Variants in DAAM1 observed in about 807,000 individuals in gnomAD.
The protein encoded by DAAM1 is disheveled-associated activator of morphogenesis 1.
A neutral mutation model predicts 130.0 loss-of-function variants in DAAM1; 52 were observed. That is an observed-to-expected ratio of 0.40 (90% CI 0.32 to 0.50). The LOEUF is 0.50. Ranked by LOEUF, DAAM1 falls within the 20% of genes least tolerant of loss-of-function variation. The pLI, the probability that DAAM1 is intolerant of heterozygous loss-of-function variation, is 0.61. For synonymous variants in DAAM1, 452 were observed against 444.5 expected (o/e 1.02, Z -0.21); for missense variants, 1,134 against 1,303.8 (o/e 0.87, Z 2.01).
intron 1 of DAAM1, among the ~76,000 whole-genome samples, chr14:59,195,557 C>T (rs1887863495): frequency 6.6e-6 from 1 of 152,128 alleles, no homozygotes; most frequent in Non-Finnish European, 1.5e-5. Context: ...TTTCTGCTGG[C>T]ACACAATTAA....
intron 2 of DAAM1, among the ~76,000 whole-genome samples, chr14:59,281,974 A>T (rs1226035025): frequency 6.6e-6 from 1 of 152,178 alleles, no homozygotes; most frequent in Non-Finnish European, 1.5e-5. Flanking sequence ...CTCACTCAGA[A>T]TCCACTAATC....
chr14:59,365,524 T>A (rs1379303216), intron 23 of DAAM1, among the ~76,000 whole-genome samples: 1 of 152,070 alleles, frequency 6.6e-6, no homozygotes, highest in African/African-American at 2.4e-5. Flanking sequence ...AAGACAGAAA[T>A]GGTAAAAAGG....
intron 2 of DAAM1, among the ~76,000 whole-genome samples, chr14:59,274,979 C>G (rs1882895216): frequency 6.6e-6 from 1 of 152,184 alleles, no homozygotes; most frequent in Admixed American, 6.5e-5. Context: ...TGTGGGAAGA[C>G]TTATTCTGCT....
At chr14:59,220,237 A>G (rs959582847) in intron 1 of DAAM1, among the ~76,000 whole-genome samples, 1 of 152,144 alleles carries the variant, frequency 6.6e-6, no homozygotes, top group Admixed American at 6.5e-5. Flanking sequence ...GGTGTAATGG[A>G]ACTTAATTAA....
intron 21 of DAAM1, 190 bp from the exon 22 acceptor site, chr14:59,360,612 C>T (rs981331135): frequency 4.9e-6 from 2 of 404,978 alleles, no homozygotes; most frequent in Non-Finnish European, 8.6e-6. Context: ...AGAAAACAAA[C>T]ATAATTTTAT....
At chr14:59,362,221 A>T (rs544674647) in intron 22 of DAAM1, 1 of 152,066 alleles carries the variant, frequency 6.6e-6, no homozygotes, top group East Asian at 1.9e-4. Flanking sequence ...TGCTTTATTA[A>T]AGGATAGTTT....
chr14:59,346,011 T>A (rs957489660), intron 16 of DAAM1, among the ~76,000 whole-genome samples: 21 of 152,184 alleles, frequency 1.4e-4, no homozygotes, highest in African/African-American at 5.1e-4. Flanking sequence ...TATAAAAAAG[T>A]CTGCCTTGCA....
At chr14:59,254,250 A>C (rs1881770649) in intron 1 of DAAM1, among the ~76,000 whole-genome samples, 1 of 152,224 alleles carries the variant, frequency 6.6e-6, no homozygotes, top group Admixed American at 6.5e-5. Flanking sequence ...GTAACATACA[A>C]GTATTCTTTT....
At chr14:59,270,832 T>A (rs1195205093) in intron 2 of DAAM1, among the ~76,000 whole-genome samples, 2 of 152,180 alleles carry the variant, frequency 1.3e-5, no homozygotes, top group East Asian at 3.8e-4. Flanking sequence ...GACCCTCAGC[T>A]TTTTTAATGG....
At chr14:59,251,355 T>C (rs1881632683) in intron 1 of DAAM1, among the ~76,000 whole-genome samples, 1 of 151,836 alleles carries the variant, frequency 6.6e-6, no homozygotes, top group African/African-American at 2.4e-5. Flanking sequence ...GGTGGTGCAA[T>C]TGACTTTCCC....
intron 2 of DAAM1, among the ~76,000 whole-genome samples, chr14:59,285,900 A>T (rs1883429359): frequency 6.6e-6 from 1 of 152,138 alleles, no homozygotes; most frequent in Non-Finnish European, 1.5e-5. Context: ...CTAGACTTAA[A>T]CTCAGTGCTT....
chr14:59,328,719 T>A (rs886860944), intron 12 of DAAM1, among the ~76,000 whole-genome samples: 1 of 152,208 alleles, frequency 6.6e-6, no homozygotes. Context: ...GTCTGGCACA[T>A]ACTAGTTGCA....
At chr14:59,271,602 T>A in intron 2 of DAAM1, among the ~76,000 whole-genome samples, 1 of 152,164 alleles carries the variant, frequency 6.6e-6, no homozygotes, top group Admixed American at 6.5e-5. Context: ...ATTTTTCATA[T>A]ATTCTGAAGT....
intron 1 of DAAM1, among the ~76,000 whole-genome samples, chr14:59,214,140 T>G (rs981443900): frequency 2.0e-5 from 3 of 152,234 alleles, no homozygotes; most frequent in Admixed American, 6.5e-5. Flanking sequence ...CTTTGGAAGA[T>G]TGGGGCTGTA....
chr14:59,338,511 GT>G, intron 15 of DAAM1: 2 of 1,410,002 alleles, frequency 1.4e-6, no homozygotes, highest in Non-Finnish European at 9.9e-7. Flanking sequence ...TTTTGTTTTT[GT>G]TTTTTTACAT....
intron 17 of DAAM1, among the ~76,000 whole-genome samples, chr14:59,349,337 A>C (rs908038166): frequency 6.6e-6 from 1 of 152,258 alleles, no homozygotes; most frequent in African/African-American, 2.4e-5. Context: ...AGGATTTCAA[A>C]ATCTTGCCAA....
At chr14:59,295,930 T>C (rs377005340) in intron 3 of DAAM1, among the ~76,000 whole-genome samples, 1 of 152,316 alleles carries the variant, frequency 6.6e-6, no homozygotes, top group East Asian at 1.9e-4. Flanking sequence ...GGACCCACTT[T>C]GCTAGGTGTT....
intron 20 of DAAM1, among the ~76,000 whole-genome samples, chr14:59,356,408 T>G (rs1886482792): frequency 6.6e-6 from 1 of 152,252 alleles, no homozygotes; most frequent in African/African-American, 2.4e-5. Context: ...TGTAAACACT[T>G]GATCCTTTTC....
At chr14:59,300,652 A>G (rs1566691635) in intron 3 of DAAM1, among the ~76,000 whole-genome samples, 1 of 152,090 alleles carries the variant, frequency 6.6e-6, no homozygotes, top group African/African-American at 2.4e-5. Flanking sequence ...TTCACCTCAG[A>G]TTTTTTTTAA....
Sources: allele counts gnomAD v4.1 joint callset (sites outside exome capture counted in the v4.1 genomes callset), GRCh38; gene constraint gnomAD v4.1.1; transcripts MANE v1.5; gene names NCBI Gene and HGNC (gene_info 2026-07-23, HGNC 2026-07-21).